Variants in FAM161A observed in about 807,000 individuals in gnomAD.
The protein encoded by FAM161A is FAM161 centrosomal protein A.
FAM161A carries 57 observed loss-of-function variants against 70.9 expected under a neutral mutation model. The observed-to-expected ratio is 0.80, with a 90% CI of 0.65 to 1.00. The LOEUF is 1.00. FAM161A is among the 50% of genes least tolerant of loss of function. FAM161A has a pLI of 0.00. For synonymous variants in FAM161A, 299 were observed against 295.7 expected (o/e 1.01, Z -0.12); for missense variants, 880 against 836.0 (o/e 1.05, Z -0.65).
At chr2:61,827,341 T>G in intron 5 of FAM161A, 83 bp from the exon 6 acceptor site, 2 of 1,398,416 alleles carry the variant, frequency 1.4e-6, no homozygotes, top group Non-Finnish European at 1.0e-6. Context: ...CCAGGCGCGG[T>G]GGCTCACGCC....
At chr2:61,823,063 G>A (rs951892727), downstream of FAM161A, among the ~76,000 whole-genome samples, 5 of 151,350 alleles carry the variant, frequency 3.3e-5, no homozygotes, top group Admixed American at 6.6e-5. Flanking sequence ...GAATAATTGC[G>A]GTGGCTCATG....
At chr2:61,820,638 T>C, downstream of FAM161A, 1 of 573,324 alleles carries the variant, frequency 1.7e-6, no homozygotes, top group South Asian at 1.8e-5. Flanking sequence ...ATTCTTTTTG[T>C]ATGTGTGATG....
Position 61,825,870 on chromosome 2 carries a change from C to A in FAM161A, c.*585G>T, listed in dbSNP as rs532491300. On this transcript the variant is annotated 3_prime_UTR_variant, in exon 7 of 7. Coordinates refer to ENST00000404929, the MANE Select transcript of FAM161A (RefSeq NM_001201543.2). ...GCCAGGATGGTCTCGATCTCCTGAC[C>A]TCGTGATCCACCCGTCTCGGCCTCC... The A allele has an allele frequency of 2.2e-6, 1 of 453,664 alleles. No individual in the cohort carries two copies. The highest frequency in any genetic ancestry group is 1.6e-5 in the South Asian group (1 of 64,400). The allele number at this position is 453,664 out of a possible 1,614,324, so 28.1% of individuals were successfully genotyped here. A position where few individuals can be genotyped will look rare whatever the true frequency, so the allele number is the denominator to read the frequency against.
chr2:61,847,434 T>C (rs899580198), intron 1 of FAM161A, among the ~76,000 whole-genome samples: 6 of 152,164 alleles, frequency 3.9e-5, no homozygotes, highest in African/African-American at 1.4e-4. Context: ...CTGTACTTGA[T>C]TGTGTATTAT....
At chr2:61,814,450 C>T in the FAM161A span, among the ~76,000 whole-genome samples, 1 of 152,184 alleles carries the variant, frequency 6.6e-6, no homozygotes, top group Non-Finnish European at 1.5e-5. Context: ...GCTCAGACAA[C>T]TGTTAGCACA....
the FAM161A span, among the ~76,000 whole-genome samples, chr2:61,814,297 AT>A: frequency 6.6e-6 from 1 of 152,100 alleles, no homozygotes; most frequent in African/African-American, 2.4e-5. Flanking sequence ...TTTGCTTCTT[AT>A]TAGTTTTGTT....
In FAM161A at chr2:61,835,955, C is replaced by T. The variant is rs931446240; in HGVS notation, c.1851+55G>A. 2.5e-5 allele frequency: 24 copies of T among 975,130 alleles called. No individual in the cohort carries two copies. In the African/African-American group the frequency reaches 5.4e-4, roughly 22 times the overall value. The allele number at this position is 975,130 out of a possible 1,614,324, so 60.4% of individuals were successfully genotyped here. ...TGGACTGTAAATTTAGGAGCTAAAG[C>T]TGTAAAAAAAAAAAAAAAAACTGAC... On this transcript the variant is annotated intron_variant, in intron 5 of 6. Transcript: ENST00000404929.
At chr2:61,803,493 TA>T in the FAM161A span, 1 of 557,388 alleles carries the variant, frequency 1.8e-6, no homozygotes, top group Non-Finnish European at 3.3e-6. Context: ...GCAAGGATGT[TA>T]TCTGCGGCCA....
At chr2:61,803,556 C>T in the FAM161A span, among the ~76,000 whole-genome samples, 3 of 152,248 alleles carry the variant, frequency 2.0e-5, no homozygotes, top group Non-Finnish European at 4.4e-5. Context: ...TGGCTTACGC[C>T]TGTAATCCCA....
rs1572880252 is a variant in FAM161A, at chr2:61,840,237, A to G, written c.767T>C (p.Met256Thr). ...IREQKKKEES[M>T]KSKSDIEMVH... Reference sequence around the variant, plus strand: ...CATTTCGATATCTGATTTAGATTTCATGGACTCTTCTTTTTTCTTCTGTTC... The same window carrying G: ...CATTTCGATATCTGATTTAGATTTCGTGGACTCTTCTTTTTTCTTCTGTTC... The change falls in exon 3 of 7, where the codon ATG becomes ACG. Residue 256 changes from methionine to threonine, a missense_variant. Physicochemically the swap from Met to Thr is moderately conservative, Grantham distance 81. Coordinates refer to ENST00000404929, the MANE Select transcript of FAM161A (RefSeq NM_001201543.2). 6.2e-7 allele frequency: 1 copy of G among 1,613,928 alleles called. No homozygotes were observed. The highest frequency in any genetic ancestry group is 1.7e-5 in the Admixed American group (1 of 59,962).
At chr2:61,835,155 T>C (rs1229548651) in intron 5 of FAM161A, among the ~76,000 whole-genome samples, 2 of 152,252 alleles carry the variant, frequency 1.3e-5, no homozygotes, top group Non-Finnish European at 2.9e-5. Flanking sequence ...GTTCTGTAAC[T>C]ATGCTCATCT....
At chr2:61,808,541 G>A in the FAM161A span, among the ~76,000 whole-genome samples, 1 of 152,072 alleles carries the variant, frequency 6.6e-6, no homozygotes, top group South Asian at 2.1e-4. Flanking sequence ...CAAAGTGCTG[G>A]GATTACAGGC....
Position 61,839,578 on chromosome 2 carries a change from T to C in FAM161A, c.1426A>G (p.Ile476Val), listed in dbSNP as rs771181531. 6.2e-7 allele frequency: 1 copy of C among 1,614,254 alleles called. No individual in the cohort carries two copies. The highest frequency in any genetic ancestry group is 1.7e-5 in the Admixed American group (1 of 60,030). ...SIKREKILAD[I>V]EADEENLKET... The stretch of plus-strand genomic sequence containing the variant: ...TTTAAATTTTCTTCATCTGCTTCGA[T>C]GTCTGCCAAAATTTTTTCTCTTTTA... The change falls in exon 3 of 7, where the codon ATC (isoleucine) becomes GTC (valine). Residue 476 changes from isoleucine to valine, a missense_variant. Physicochemically the swap from Ile to Val is conservative, Grantham distance 29 (BLOSUM62 3). Coordinates refer to ENST00000404929, the MANE Select transcript of FAM161A (RefSeq NM_001201543.2).
the FAM161A span, among the ~76,000 whole-genome samples, chr2:61,808,824 G>A: frequency 6.6e-6 from 1 of 152,074 alleles, no homozygotes. Context: ...GTGGGGAGTG[G>A]AGAAGACCAG....
the FAM161A span, among the ~76,000 whole-genome samples, chr2:61,819,046 C>A: frequency 2.0e-5 from 3 of 152,170 alleles, no homozygotes; most frequent in African/African-American, 7.2e-5. Flanking sequence ...CAATGTTTAA[C>A]CAGAATCCAA....
chr2:61,822,924 T>A (rs1315401339), downstream of FAM161A, among the ~76,000 whole-genome samples: 1 of 152,134 alleles, frequency 6.6e-6, no homozygotes, highest in Non-Finnish European at 1.5e-5. Flanking sequence ...TAGGTCCAAA[T>A]GTTGAAATCT....
At chr2:61,815,711 C>T in the FAM161A span, among the ~76,000 whole-genome samples, 2 of 151,740 alleles carry the variant, frequency 1.3e-5, no homozygotes, top group Admixed American at 6.6e-5. Flanking sequence ...CTACCATGCC[C>T]AGATAGTTTT....
chr2:61,829,135 G>A (rs1356595213), intron 5 of FAM161A, among the ~76,000 whole-genome samples: 1 of 152,150 alleles, frequency 6.6e-6, no homozygotes, highest in Admixed American at 6.5e-5. Context: ...CCCGGCCCCC[G>A]CCTCAAAGGT....
intron 4 of FAM161A, among the ~76,000 whole-genome samples, 190 bp downstream of exon 4, chr2:61,838,348 G>A (rs906756266): frequency 1.3e-5 from 2 of 152,336 alleles, no homozygotes; most frequent in Admixed American, 1.3e-4. Context: ...CCATAAAGGT[G>A]AGTTTATATG....
Sources: gnomAD v4.1 joint callset for allele counts (sites outside exome capture counted in the v4.1 genomes callset) on GRCh38, gnomAD v4.1.1 for gene constraint, MANE v1.5 for transcripts, NCBI Gene and HGNC (gene_info 2026-07-23, HGNC 2026-07-21) for gene names.